CAMK1D: variants seen among roughly 807,000 people sequenced by gnomAD.
CAMK1D encodes the protein calcium/calmodulin-dependent protein kinase type 1D.
In CAMK1D, 9 loss-of-function variants were observed where a neutral mutation model predicts 47.7. The observed-to-expected ratio is 0.19, with a 90% CI of 0.11 to 0.33. The LOEUF is 0.33. CAMK1D is among the 10% of genes least tolerant of loss of function. The probability of loss-of-function intolerance (pLI) is 1.00; values close to 1 mark genes in which losing one functional copy is unlikely to be tolerated. For missense variants in CAMK1D, 291 were observed against 488.7 expected, an observed-to-expected ratio of 0.60 and a Z score of 3.81; for synonymous variants, 184 against 184.9, an observed-to-expected ratio of 0.99 and a Z score of 0.04.
chr10:12,624,406 C>T (rs145534281), intron 2 of CAMK1D, among the ~76,000 whole-genome samples: 305 of 152,258 alleles, frequency 2.0e-3, no homozygotes, highest in African/African-American at 7.2e-3. Context: ...TGCCTAATTT[C>T]CCTCCCGTCA....
chr10:12,522,895 C>T lies in CAMK1D; in HGVS notation c.93-30330C>T, dbSNP rs1338131906. On this transcript the variant is annotated intron_variant, in intron 1 of 10. Coordinates refer to ENST00000619168, the MANE Select transcript of CAMK1D (RefSeq NM_153498.4). The stretch of plus-strand genomic sequence containing the variant: ...GCTGACCCCCCACCTCCCTCCCGGA[C>T]GGGGCGGCTGGCCGGGCGGGGGCTG... 3.5e-4 allele frequency among the ~76,000 whole-genome samples: 31 copies of T among 88,320 alleles called. 6 individuals are homozygous for T. The highest frequency in any genetic ancestry group is 1.2e-3 in the Admixed American group (12 of 9,610). 57.9% of individuals were successfully genotyped at this position (88,320 alleles called of 152,430 possible).
At chr10:12,825,896 G>A (rs1833190219) in intron 10 of CAMK1D, 1 of 729,806 alleles carries the variant, frequency 1.4e-6, no homozygotes, top group African/African-American at 1.8e-5. Context: ...CAACACTTTG[G>A]GAGGCTGAGG....
At chr10:12,730,659 C>G (rs1834846263) in intron 3 of CAMK1D, among the ~76,000 whole-genome samples, 1 of 151,946 alleles carries the variant, frequency 6.6e-6, no homozygotes. Context: ...GAGGAAGAAC[C>G]CAGAAGGGAG....
intron 1 of CAMK1D, among the ~76,000 whole-genome samples, chr10:12,424,305 C>T (rs988515197): frequency 3.3e-5 from 5 of 152,108 alleles, no homozygotes; most frequent in African/African-American, 1.2e-4. Context: ...GCCTGACATT[C>T]TCCTCTTGTC....
intron 3 of CAMK1D, among the ~76,000 whole-genome samples, chr10:12,750,438 A>G (rs1396748148): frequency 1.3e-5 from 2 of 152,224 alleles, no homozygotes; most frequent in East Asian, 1.9e-4. Flanking sequence ...TGCAGAGGGA[A>G]GTCACCAAGT....
At chr10:12,613,551 A>G (rs1838694047) in intron 2 of CAMK1D, among the ~76,000 whole-genome samples, 1 of 152,122 alleles carries the variant, frequency 6.6e-6, no homozygotes, top group South Asian at 2.1e-4. Context: ...ATATCTACCA[A>G]TTTGCAACCT....
chr10:12,821,963 G>T (rs555416655), intron 8 of CAMK1D, among the ~76,000 whole-genome samples: 1 of 152,138 alleles, frequency 6.6e-6, no homozygotes, highest in Admixed American at 6.5e-5. Flanking sequence ...GACAGAGCAA[G>T]ACTCTGTCTC....
chr10:12,403,248 G>A (rs1839293098), intron 1 of CAMK1D, among the ~76,000 whole-genome samples: 5 of 152,136 alleles, frequency 3.3e-5, no homozygotes, highest in Admixed American at 3.3e-4. Context: ...CAACAAGTTG[G>A]CATCCGCTTG....
At chr10:12,725,327 G>T (rs577552150) in intron 3 of CAMK1D, 1 of 155,830 alleles carries the variant, frequency 6.4e-6, no homozygotes. Flanking sequence ...GGCAAAAACC[G>T]CCATTACTTT....
rs71384318 is a variant in CAMK1D, at chr10:12,385,739, CTTTTT to C, written c.92+35849_92+35853del. ...TTATACTGAGAACCATTGAATTGTA[CTTTTT>C]TTTTTTTTTTTTTTTTTTTAAGATG... is the stretch of plus-strand genomic sequence containing the variant. On this transcript the variant is annotated intron_variant, in intron 1 of 10. Transcript: ENST00000619168. 7.5e-4 allele frequency among the ~76,000 whole-genome samples: 75 copies of C among 100,542 alleles called. 1 individual carries two copies. The highest frequency in any genetic ancestry group is 7.6e-5 in the Non-Finnish European group (4 of 52,662). 66.0% of individuals were successfully genotyped at this position (100,542 alleles called of 152,430 possible).
intron 6 of CAMK1D, among the ~76,000 whole-genome samples, chr10:12,807,111 G>A (rs1838766235): frequency 6.6e-6 from 1 of 152,158 alleles, no homozygotes; most frequent in Non-Finnish European, 1.5e-5. Context: ...TGATACACCT[G>A]TCCCTGGCAT....
chr10:12,535,854 A>G (rs188939357), intron 1 of CAMK1D, among the ~76,000 whole-genome samples: 27 of 152,148 alleles, frequency 1.8e-4, no homozygotes, highest in African/African-American at 6.5e-4. Context: ...CTTCTCATTG[A>G]ATCTTTTCAT....
chr10:12,385,341 CAACTT>C (rs991764855), intron 1 of CAMK1D, among the ~76,000 whole-genome samples: 2 of 152,132 alleles, frequency 1.3e-5, no homozygotes, highest in South Asian at 4.2e-4. Flanking sequence ...AGAGCAGAAA[CAACTT>C]AAATGTTTAT....
At chr10:12,565,552 C>T (rs560481193) in intron 2 of CAMK1D, among the ~76,000 whole-genome samples, 3 of 152,326 alleles carry the variant, frequency 2.0e-5, no homozygotes, top group South Asian at 2.1e-4. Flanking sequence ...CCGCGCCTGG[C>T]GACATCTCAG....
intron 2 of CAMK1D, among the ~76,000 whole-genome samples, chr10:12,558,356 C>T (rs1268214593): frequency 1.3e-5 from 2 of 152,152 alleles, no homozygotes; most frequent in East Asian, 1.9e-4. Context: ...GAGCTTGAGA[C>T]CATCCTGGCC....
At chr10:12,381,478 G>A (rs1352547324) in intron 1 of CAMK1D, among the ~76,000 whole-genome samples, 1 of 151,876 alleles carries the variant, frequency 6.6e-6, no homozygotes, top group Non-Finnish European at 1.5e-5. Context: ...TGGGATTACA[G>A]GCGCATGCCA....
intron 2 of CAMK1D, among the ~76,000 whole-genome samples, chr10:12,629,306 T>C (rs1307362394): frequency 6.6e-6 from 1 of 152,214 alleles, no homozygotes; most frequent in Non-Finnish European, 1.5e-5. Flanking sequence ...GGTTTTAGCC[T>C]TACCTTTTGG....
chr10:12,701,241 T>C (rs1833507156), intron 3 of CAMK1D, among the ~76,000 whole-genome samples: 1 of 152,124 alleles, frequency 6.6e-6, no homozygotes, highest in Non-Finnish European at 1.5e-5. Flanking sequence ...GTCTCCCGAG[T>C]AGCTGGGATC....
At chr10:12,446,968 C>A (rs765328479) in intron 1 of CAMK1D, among the ~76,000 whole-genome samples, 1 of 152,142 alleles carries the variant, frequency 6.6e-6, no homozygotes, top group Non-Finnish European at 1.5e-5. Flanking sequence ...GGGAGTGTCC[C>A]AACTGGCAGC....
Sources: allele counts gnomAD v4.1 joint callset (sites outside exome capture counted in the v4.1 genomes callset), GRCh38; gene constraint gnomAD v4.1.1; transcripts MANE v1.5; gene names NCBI Gene and HGNC (gene_info 2026-07-23, HGNC 2026-07-21).